Variants in FLII observed in about 807,000 individuals in gnomAD.
FLII encodes FLII actin remodeling protein.
In FLII, 101 loss-of-function variants were observed where a neutral mutation model predicts 156.2. The ratio of observed to expected loss-of-function variants is 0.65; its 90% CI spans 0.55 to 0.76. The LOEUF (loss-of-function observed/expected upper bound fraction) is 0.76. FLII is among the 30% of genes least tolerant of loss of function. FLII has a pLI of 0.00. For missense variants in FLII, 1,675 were observed against 1,682.8 expected, an observed-to-expected ratio of 1.00 and a Z score of 0.08; for synonymous variants, 767 against 685.8, an observed-to-expected ratio of 1.12 and a Z score of -1.85.
Position 18,244,949 on chromosome 17 carries a change from G to GTT in FLII, c.*187_*188dup, listed in dbSNP as rs1682943250. On this transcript the variant is annotated 3_prime_UTR_variant, in exon 30 of 30. Transcript: ENST00000327031. ...CACGTGCACTCACACTGTGGAGAGA[G>GTT]TTGGATTTCCCAGACCCCTGAGGGC... The GTT allele has an allele frequency of 4.6e-6, 3 of 658,126 alleles. No individual in the cohort carries two copies. Among genetic ancestry groups the GTT allele is most frequent in the Non-Finnish European group, 8.0e-6 (3 of 376,994 alleles). 40.8% of individuals were successfully genotyped at this position (658,126 alleles called of 1,614,324 possible).
chr17:18,248,031 C>T lies in FLII; in HGVS notation c.2193G>A (p.Val731=). The T allele has an allele frequency of 6.2e-7, 1 of 1,609,494 alleles. No homozygotes were observed. Among genetic ancestry groups the T allele is most frequent in the Non-Finnish European group, 8.5e-7 (1 of 1,176,558 alleles). The change falls in exon 19 of 30, where the codon GTG becomes GTA. Residue 731 remains valine (V), a splice_region_variant and synonymous_variant. Coordinates refer to ENST00000327031, the MANE Select transcript of FLII (RefSeq NM_002018.4). Reference sequence around the variant, plus strand: ...GCTCCAGGTAGCCCAAGCCCAGGCCCACCTGGCAGGAAGGATGAGCATGGC... The same window carrying T: ...GCTCCAGGTAGCCCAAGCCCAGGCCTACCTGGCAGGAAGGATGAGCATGGC... ...FWPPQPKLYK[V]GLGLGYLELP...
rs768803683 is a variant in FLII at position 18,246,133 on chromosome 17, G to A, written c.3267+29C>T. 9.3e-6 allele frequency: 15 copies of A among 1,613,982 alleles called. No individual in the cohort carries two copies. The African/African-American group carries it at 1.2e-4, about 13-fold the overall frequency. Reference sequence around the variant, plus strand: ...CCAAACACCCCACCCCTTGGTCCACGGAGTCCTGGCTCACACCCACAACCC... The same window carrying A: ...CCAAACACCCCACCCCTTGGTCCACAGAGTCCTGGCTCACACCCACAACCC... On this transcript the variant is annotated intron_variant, in intron 25 of 29. Transcript: ENST00000327031.
At position 18,245,155 on chromosome 17, in the gene FLII, A is replaced by AGAAG; in HGVS notation, c.3789_3792dup (p.Cys1265LeufsTer58). The stretch of plus-strand genomic sequence containing the variant: ...AGCCTGTCTTAGGCCAGGGCCTTGC[A>AGAAG]GAAGGCGCTCCAGGCGTGGAAGCAG... On this transcript the variant is annotated frameshift_variant, in exon 30 of 30. Transcript: ENST00000327031. LOFTEE classifies it high-confidence loss of function. 1 of 1,613,334 alleles carries AGAAG rather than the reference A, an allele frequency of 6.2e-7. No individual in the cohort carries two copies. The highest frequency in any genetic ancestry group is 8.5e-7 in the Non-Finnish European group (1 of 1,179,668).
At chr17:18,253,244 G>A (rs1366462135) in intron 9 of FLII, 57 bp downstream of exon 9, 5 of 1,593,124 alleles carry the variant, frequency 3.1e-6, no homozygotes, top group East Asian at 2.2e-5. Context: ...CTCTGACTAC[G>A]ATCCCGGGGT....
chr17:18,245,545 A>G lies in FLII; in HGVS notation c.3609+10T>C. On this transcript the variant is annotated intron_variant, in intron 28 of 29. Coordinates refer to ENST00000327031, the MANE Select transcript of FLII (RefSeq NM_002018.4). ...TCCTTGGATGGGCAGGGCTAGTGGC[A>G]ACATCACACCTCTTGGCCATTGTCT... 2 of 1,613,262 alleles carry G rather than the reference A, an allele frequency of 1.2e-6. No homozygotes were observed. The highest frequency in any genetic ancestry group is 1.6e-4 in the Middle Eastern group (1 of 6,062).
Position 18,249,160 on chromosome 17 carries a change from G to A in FLII, c.1901C>T (p.Pro634Leu). 6.2e-7 allele frequency: 1 copy of A among 1,614,146 alleles called. No homozygotes were observed. The highest frequency in any genetic ancestry group is 8.5e-7 in the Non-Finnish European group (1 of 1,180,030). Residue 634 changes from proline to leucine, a missense_variant, in exon 16 of 30, where the codon CCT (proline) becomes CTT (leucine). Around this residue, in one of 2 missense-constraint regions of FLII, gnomAD observed 1,332 missense variants for 1,269.3 expected, o/e 1.05. Transcript: ENST00000327031. ...CAGAGAGGTCCCCTTGAGGGGCACA[G>A]GCTCCAACTTGATGTTCTTTTTCCC... ...VYGKKNIKLE[P>L]VPLKGTSLDP...
At position 18,246,022 on chromosome 17, in the gene FLII, G is replaced by A. The variant is rs552545157; in HGVS notation, c.3308C>T (p.Ala1103Val). The change falls in exon 26 of 30, where the codon GCC becomes GTC. Residue 1103 changes from alanine to valine, a missense_variant. Around this residue, in one of 2 missense-constraint regions of FLII, gnomAD observed 1,332 missense variants for 1,269.3 expected, o/e 1.05. Coordinates refer to ENST00000327031, the MANE Select transcript of FLII (RefSeq NM_002018.4). ...AGGGTCTGATGCCCGGCCCACCCAG[G>A]CATACACGATGCCCTGGTTGTCCTC... Reference protein sequence around the residue: ...ESEDNQGIVYAWVGRASDPDE... With the variant: ...ESEDNQGIVYVWVGRASDPDE... The A allele has an allele frequency of 1.2e-6, 2 of 1,614,136 alleles. No homozygotes were observed. Among genetic ancestry groups the A allele is most frequent in the South Asian group, 2.2e-5 (2 of 91,078 alleles).
chr17:18,246,753 G>A lies in FLII; in HGVS notation c.2892C>T (p.Gly964=). The A allele has an allele frequency of 1.9e-6, 3 of 1,613,698 alleles. No homozygotes were observed. Among genetic ancestry groups the A allele is most frequent in the South Asian group, 1.1e-5 (1 of 91,032 alleles). ...CCTCTGCCTCAGCGGTTGCTTCCTCGCCTTCTTTGCCCTCGGCCTTCTCCT... is the reference window on the plus strand; with the variant it reads ...CCTCTGCCTCAGCGGTTGCTTCCTCACCTTCTTTGCCCTCGGCCTTCTCCT... ...DKEEKAEGKE[G]EEATAEAEEK... is the part of the protein sequence containing the mutation. The change falls in exon 23 of 30, where the codon GGC becomes GGT. Residue 964 remains glycine (G), a synonymous_variant. Coordinates refer to ENST00000327031, the MANE Select transcript of FLII (RefSeq NM_002018.4).
chr17:18,250,686 T>G, intron 14 of FLII, 152 bp downstream of exon 14: 1 of 795,162 alleles, frequency 1.3e-6, no homozygotes, highest in Non-Finnish European at 2.0e-6. Context: ...CGGTCTGCCT[T>G]AGGTCCCGCA....
At position 18,247,069 on chromosome 17, in the gene FLII, C is replaced by T; in HGVS notation, c.2677-17G>A. On this transcript the variant is annotated splice_polypyrimidine_tract_variant and intron_variant, in intron 21 of 29. Coordinates refer to ENST00000327031, the MANE Select transcript of FLII (RefSeq NM_002018.4). Reference sequence around the variant, plus strand: ...CTGCTCCGCCTGCAGGTGAGAGGGACCCGCCCCGCGGCAGGTCTGAGCGCG... The same window carrying T: ...CTGCTCCGCCTGCAGGTGAGAGGGATCCGCCCCGCGGCAGGTCTGAGCGCG... 1.2e-6 allele frequency: 2 copies of T among 1,610,500 alleles called. No homozygotes were observed. Among genetic ancestry groups the T allele is most frequent in the Non-Finnish European group, 1.7e-6 (2 of 1,179,842 alleles).
chr17:18,248,767 CT>C, intron 17 of FLII, 32 bp downstream of exon 17: 1 of 1,614,040 alleles, frequency 6.2e-7, no homozygotes, highest in Non-Finnish European at 8.5e-7. Context: ...CACCCCTTTC[CT>C]TCACACAAAA....
chr17:18,251,073 G>A (rs2048251815), intron 13 of FLII, 56 bp from the exon 14 acceptor site: 9 of 1,553,282 alleles, frequency 5.8e-6, no homozygotes, highest in Admixed American at 5.6e-5. Flanking sequence ...CGGCCACCCC[G>A]GAGACGCCAC....
chr17:18,257,185 TG>T, intron 1 of FLII, 166 bp from the exon 2 acceptor site: 2 of 553,296 alleles, frequency 3.6e-6, no homozygotes, highest in Non-Finnish European at 3.2e-6. Flanking sequence ...ACCCATAGAA[TG>T]GGAATTTTAA....
intron 18 of FLII, 95 bp from the exon 19 acceptor site, chr17:18,248,128 G>T: frequency 2.6e-6 from 2 of 776,742 alleles, no homozygotes; most frequent in South Asian, 3.4e-5. Flanking sequence ...GCCCTGCAGC[G>T]TGGCTCACTG....
At chr17:18,250,160 G>A (rs532768537) in intron 14 of FLII, among the ~76,000 whole-genome samples, 4 of 152,162 alleles carry the variant, frequency 2.6e-5, no homozygotes, top group Non-Finnish European at 5.9e-5. Flanking sequence ...ACATACACAC[G>A]TCGGGGTGTT....
chr17:18,249,812 AAAC>A (rs1178576172), intron 14 of FLII, among the ~76,000 whole-genome samples: 11 of 93,446 alleles, frequency 1.2e-4, no homozygotes, highest in South Asian at 6.2e-4. Context: ...ACAAACAAAC[AAAC>A]AACAACAAAA....
intron 2 of FLII, 72 bp downstream of exon 2, chr17:18,256,837 T>C: frequency 9.6e-7 from 1 of 1,037,654 alleles, no homozygotes. Context: ...AGAAGTTGTC[T>C]GCCTTCTCCA....
rs1208476473 is a variant in FLII, at chr17:18,245,946, GGA to G, written c.3382_3383del (p.Ser1128LeufsTer10). 1.2e-6 allele frequency: 2 copies of G among 1,613,910 alleles called. No homozygotes were observed. The highest frequency in any genetic ancestry group is 1.7e-6 in the Non-Finnish European group (2 of 1,179,960). On this transcript the variant is annotated frameshift_variant, in exon 26 of 30. Coordinates refer to ENST00000327031, the MANE Select transcript of FLII (RefSeq NM_002018.4). LOFTEE classifies it high-confidence loss of function. The stretch of plus-strand genomic sequence containing the variant: ...CCCGCCTCCTGACCTGCTTGCTGTA[GGA>G]GGTGTCAAACATGGTGTTCAGGATG... ...EDILNTMFDT[S>X]YSKQVINEGE...
chr17:18,257,741 T>G (rs892062078), intron 1 of FLII, among the ~76,000 whole-genome samples: 1 of 152,158 alleles, frequency 6.6e-6, no homozygotes, highest in African/African-American at 2.4e-5. Flanking sequence ...CACTTGTACT[T>G]GGGGTCAAAG....
Sources: gnomAD v4.1 joint callset for allele counts (sites outside exome capture counted in the v4.1 genomes callset) on GRCh38, gnomAD v4.1.1 for gene constraint, gnomAD v4.1.1 regional missense constraint, MANE v1.5 for transcripts, NCBI Gene and HGNC (gene_info 2026-07-23, HGNC 2026-07-21) for gene names.